The following MAJIN variants were observed in gnomAD, a reference collection of about 807,000 sequenced individuals.
MAJIN encodes the protein membrane-anchored junction protein.
A neutral mutation model predicts 30.2 loss-of-function variants in MAJIN; 27 were observed. That is an observed-to-expected ratio of 0.89 (90% CI 0.66 to 1.23). The LOEUF (loss-of-function observed/expected upper bound fraction) is 1.23. Ranked by LOEUF, MAJIN falls within the 50% of genes most tolerant of loss-of-function variation. The pLI is 0.00. For missense variants in MAJIN, 253 were observed against 260.3 expected (o/e 0.97, Z 0.19); for synonymous variants, 78 against 91.6 (o/e 0.85, Z 0.85).
chr11:64,951,101 T>C (rs957992154), intron 4 of MAJIN, among the ~76,000 whole-genome samples: 1 of 152,186 alleles, frequency 6.6e-6, no homozygotes, highest in Non-Finnish European at 1.5e-5. Context: ...CATACAAATG[T>C]TTTATATTCC....
intron 1 of MAJIN, among the ~76,000 whole-genome samples, chr11:64,960,370 ACAATAACAACTCT>A (rs1040114044): frequency 2.6e-5 from 4 of 152,176 alleles, no homozygotes; most frequent in African/African-American, 9.7e-5. Flanking sequence ...TCTTACTTAC[ACAATAACAACTCT>A]CAATAACAAC....
chr11:64,962,793 C>T (rs934676633), intron 1 of MAJIN, among the ~76,000 whole-genome samples: 3 of 152,056 alleles, frequency 2.0e-5, no homozygotes, highest in South Asian at 2.1e-4. Flanking sequence ...TTAGCACTTA[C>T]GATAGATTTG....
chr11:64,955,558 A>G (rs527939013), intron 3 of MAJIN, among the ~76,000 whole-genome samples: 2 of 152,338 alleles, frequency 1.3e-5, no homozygotes, highest in East Asian at 3.9e-4. Flanking sequence ...GTTGTTATTC[A>G]TACTTGGAAG....
At chr11:64,957,947 AT>A (rs535346135) in intron 3 of MAJIN, among the ~76,000 whole-genome samples, 81 of 143,970 alleles carry the variant, frequency 5.6e-4, no homozygotes, top group Non-Finnish European at 6.7e-4. Flanking sequence ...TTTTGCTGTG[AT>A]TTTTTTTTTT....
intron 8 of MAJIN, among the ~76,000 whole-genome samples, chr11:64,946,444 G>A (rs80254833): frequency 0.024 from 3,675 of 152,306 alleles, 80 homozygotes; most frequent in Non-Finnish European, 0.038. Context: ...AGAAAGGGAA[G>A]ATCTGAGACC....
In MAJIN at chr11:64,942,296, A is replaced by G. The variant is rs927544075; in HGVS notation, c.474-1650T>C. ...TTTTTAGAATTTATTTTTTATTTCA[A>G]TAGGTTTTTGGGGAGTGAGTGGTGT... On this transcript the variant is annotated intron_variant, in intron 8 of 10. Transcript: ENST00000301896. Among the ~76,000 whole-genome samples, 3 of 151,744 alleles carry G rather than the reference A, an allele frequency of 2.0e-5. No individual in the cohort carries two copies. The South Asian group carries it at 6.3e-4, about 32-fold the overall frequency.
intron 1 of MAJIN, among the ~76,000 whole-genome samples, chr11:64,966,212 C>A (rs1945807553): frequency 1.4e-5 from 2 of 140,036 alleles, no homozygotes. Flanking sequence ...GAGAAAATAT[C>A]CTTAGCTGGA....
intron 5 of MAJIN, among the ~76,000 whole-genome samples, chr11:64,950,112 C>T (rs925373757): frequency 6.6e-6 from 1 of 152,012 alleles, no homozygotes; most frequent in Non-Finnish European, 1.5e-5. Flanking sequence ...GGTGGATCAC[C>T]TGAGGTCAGG....
At chr11:64,960,273 G>A (rs1279705751) in intron 1 of MAJIN, 138 bp from the exon 2 acceptor site, 1 of 152,210 alleles carries the variant, frequency 6.6e-6, no homozygotes, top group East Asian at 1.9e-4. Flanking sequence ...AGAGGCAGCT[G>A]AGATGCAGTC....
intron 10 of MAJIN, among the ~76,000 whole-genome samples, chr11:64,939,070 C>G (rs1945332548): frequency 6.6e-6 from 1 of 152,090 alleles, no homozygotes; most frequent in South Asian, 2.1e-4. Flanking sequence ...GCTGGGATTA[C>G]AGAACATTCC....
At chr11:64,948,639 A>AT (rs71049670) in intron 6 of MAJIN, among the ~76,000 whole-genome samples, 8 of 18,486 alleles carry the variant, frequency 4.3e-4, no homozygotes, top group South Asian at 4.5e-3. Flanking sequence ...ATATATATAT[A>AT]TTTTTTTTTT....
rs958726737 is a variant in MAJIN, at chr11:64,949,868, T to A, written c.224A>T (p.Tyr75Phe). Residue 75 changes from tyrosine (Y) to phenylalanine (F), a missense_variant and splice_region_variant, in exon 6 of 11, where the codon TAT becomes TTT. Physicochemically the swap from Tyr to Phe is conservative, Grantham distance 22. Coordinates refer to ENST00000301896, the MANE Select transcript of MAJIN (RefSeq NM_001037225.3). ...FATEHFIVFP[Y>F]KSKWERVSHL... is the part of the protein sequence containing the mutation. ...GGAAACTCTCTCCCATTTGCTTTTATCTGGAAAATGGTGCTAAGGAGTAAG... is the reference window on the plus strand; with the variant it reads ...GGAAACTCTCTCCCATTTGCTTTTAACTGGAAAATGGTGCTAAGGAGTAAG... 3.1e-6 allele frequency: 5 copies of A among 1,603,054 alleles called. No individual in the cohort carries two copies. The highest frequency in any genetic ancestry group is 1.1e-5 in the South Asian group (1 of 91,076).
At chr11:64,947,192 G>T (rs1258045643) in intron 8 of MAJIN, among the ~76,000 whole-genome samples, 182 bp downstream of exon 8, 1 of 152,174 alleles carries the variant, frequency 6.6e-6, no homozygotes, top group Non-Finnish European at 1.5e-5. Context: ...AAGGGACTGT[G>T]TTCAAATTAT....
rs533015164 is a variant in MAJIN at position 64,959,218 on chromosome 11, G to A, written c.101+87C>T. 1.0e-4 allele frequency: 101 copies of A among 1,014,666 alleles called. 1 individual carries two copies. The African/African-American group carries it at 1.4e-3, about 14-fold the overall frequency. 62.9% of individuals were successfully genotyped at this position (1,014,666 alleles called of 1,614,324 possible). Reference sequence around the variant, plus strand: ...TGCTACTTTACCAGTCTCCTGAACTGGGTGAAGGTAAAGAAGAGGTGACCT... The same window carrying A: ...TGCTACTTTACCAGTCTCCTGAACTAGGTGAAGGTAAAGAAGAGGTGACCT... On this transcript the variant is annotated intron_variant, in intron 3 of 10. Transcript: ENST00000301896.
chr11:64,945,964 G>C (rs759341430), intron 8 of MAJIN: 7 of 907,606 alleles, frequency 7.7e-6, no homozygotes, highest in Non-Finnish European at 1.1e-5. Flanking sequence ...AATGAGTTCA[G>C]TCAATTCAAT....
In MAJIN at chr11:64,959,271, T is replaced by A. The variant is rs1484192251; in HGVS notation, c.101+34A>T. The A allele has an allele frequency of 3.2e-6, 5 of 1,556,900 alleles. No individual in the cohort carries two copies. In the South Asian group the frequency reaches 5.6e-5, roughly 17 times the overall value. ...GGGAATGCACTAGCACTAACTGGTG[T>A]TTGCATAGGCTACCCTCCTACCTTT... On this transcript the variant is annotated intron_variant, in intron 3 of 10. Coordinates refer to ENST00000301896, the MANE Select transcript of MAJIN (RefSeq NM_001037225.3).
chr11:64,953,664 A>C (rs933629374), intron 4 of MAJIN, among the ~76,000 whole-genome samples: 1 of 152,104 alleles, frequency 6.6e-6, no homozygotes. Flanking sequence ...GGTGGTGCAC[A>C]TCGGTAGTCC....
In MAJIN at chr11:64,950,387, G is replaced by T; in HGVS notation, c.191C>A (p.Pro64His). Reference protein sequence around the residue: ...VVLGNLDNLQPFATEHFIVFP... With the variant: ...VVLGNLDNLQHFATEHFIVFP... ...TACAATGAAGTGTTCTGTAGCAAAG[G>T]GCTGAAGATTGTCCAAGTTTCCCAA... The change falls in exon 5 of 11, where the codon CCC (proline) becomes CAC (histidine). Residue 64 changes from proline to histidine, a missense_variant. Physicochemically the swap from Pro to His is moderately conservative, Grantham distance 77. Coordinates refer to ENST00000301896, the MANE Select transcript of MAJIN (RefSeq NM_001037225.3). 6.2e-7 allele frequency: 1 copy of T among 1,610,552 alleles called. No individual in the cohort carries two copies. The highest frequency in any genetic ancestry group is 8.5e-7 in the Non-Finnish European group (1 of 1,178,298).
At chr11:64,948,674 T>C (rs1271763464) in intron 6 of MAJIN, among the ~76,000 whole-genome samples, 3 of 92,986 alleles carry the variant, frequency 3.2e-5, no homozygotes, top group Non-Finnish European at 4.2e-5. Flanking sequence ...TTTTTTTTTT[T>C]CAGATGGCAT....
Sources: gnomAD v4.1 joint callset for allele counts (sites outside exome capture counted in the v4.1 genomes callset) on GRCh38, gnomAD v4.1.1 for gene constraint, MANE v1.5 for transcripts, NCBI Gene and HGNC (gene_info 2026-07-23, HGNC 2026-07-21) for gene names.